The following ANK3 variants were observed in gnomAD, a reference collection of about 807,000 sequenced individuals.
ANK3 encodes the protein ankyrin 3.
In ANK3, 57 loss-of-function variants were observed where a neutral mutation model predicts 370.9. That is an observed-to-expected ratio of 0.15 (90% CI 0.12 to 0.19). ANK3 has a LOEUF of 0.19. Among genes scored for constraint, ANK3 ranks in the 10% least tolerant of loss-of-function variants. The pLI is 1.00. For synonymous variants in ANK3, 1,929 were observed against 1,946.3 expected, an observed-to-expected ratio of 0.99 and a Z score of 0.23; for missense variants, 4,439 against 5,302.1, an observed-to-expected ratio of 0.84 and a Z score of 5.06.
upstream of ANK3, among the ~76,000 whole-genome samples, chr10:60,392,698 G>A (rs2063137392): frequency 6.6e-6 from 1 of 152,182 alleles, no homozygotes; most frequent in Non-Finnish European, 1.5e-5. Flanking sequence ...GGAGGCTGAG[G>A]TGGGCAGATC....
intron 16 of ANK3, among the ~76,000 whole-genome samples, chr10:60,195,143 T>G (rs2096564492): frequency 6.6e-6 from 1 of 151,986 alleles, no homozygotes; most frequent in African/African-American, 2.4e-5. Flanking sequence ...ATTCCAGCAC[T>G]TTGGGAGGCC....
rs138823660 is a variant in ANK3 at position 60,172,960 on chromosome 10, C to G, written c.2322G>C (p.Gly774=). The G allele has an allele frequency of 6.0e-4, 964 of 1,613,882 alleles. 1 individual carries two copies. In the African/African-American group the frequency reaches 0.011, roughly 19 times the overall value. The change falls in exon 20 of 44, where the codon GGG becomes GGC. Residue 774 remains glycine, a synonymous_variant. Transcript: ENST00000280772. ...YTPLHQAAQQ[G]HTHIINVLLQ... The stretch of plus-strand genomic sequence containing the variant: ...GTAAGACATTTATTATATGCGTATG[C>G]CCCTGCTGTGCTGCTTGATGTAATG...
intron 2 of ANK3, among the ~76,000 whole-genome samples, chr10:60,481,844 A>G (rs912309921): frequency 6.6e-6 from 1 of 152,202 alleles, no homozygotes; most frequent in African/African-American, 2.4e-5. Flanking sequence ...CCTAGCACAG[A>G]CACCTAAACA....
At chr10:60,511,253 G>T (rs2076072458) in intron 2 of ANK3, among the ~76,000 whole-genome samples, 1 of 151,942 alleles carries the variant, frequency 6.6e-6, no homozygotes, top group Non-Finnish European at 1.5e-5. Context: ...GAGAATGTTG[G>T]CCAATAAAAA....
intron 11 of ANK3, among the ~76,000 whole-genome samples, chr10:60,204,134 T>C (rs1176332338): frequency 6.6e-6 from 1 of 152,202 alleles, no homozygotes; most frequent in Non-Finnish European, 1.5e-5. Flanking sequence ...AGAAAAGGAA[T>C]AATTCCGGCT....
At chr10:60,204,202 T>C (rs2096726756) in intron 11 of ANK3, among the ~76,000 whole-genome samples, 1 of 152,178 alleles carries the variant, frequency 6.6e-6, no homozygotes. Flanking sequence ...AGAATTTTGT[T>C]ATAGTCTTGG....
At position 60,086,892 on chromosome 10, in the gene ANK3, C is replaced by A; in HGVS notation, c.3541-8G>T. The A allele has an allele frequency of 6.4e-7, 1 of 1,552,322 alleles. No homozygotes were observed. The highest frequency in any genetic ancestry group is 8.7e-7 in the Non-Finnish European group (1 of 1,147,936). On this transcript the variant is annotated splice_polypyrimidine_tract_variant and splice_region_variant and intron_variant, in intron 29 of 43. Coordinates refer to ENST00000280772, the MANE Select transcript of ANK3 (RefSeq NM_020987.5). ...ATCTGGAACAGGCTGGGCCTAGAGA[C>A]AGAGAAAGGACTTTAAATGAAAGTG...
At chr10:60,329,928 C>A (rs562720291) in intron 1 of ANK3, among the ~76,000 whole-genome samples, 1 of 152,050 alleles carries the variant, frequency 6.6e-6, no homozygotes, top group Admixed American at 6.5e-5. Flanking sequence ...GTACTGGTAC[C>A]AAGACAGATA....
intron 1 of ANK3, among the ~76,000 whole-genome samples, chr10:60,282,658 T>G (rs551267874): frequency 6.6e-6 from 1 of 152,178 alleles, no homozygotes; most frequent in Non-Finnish European, 1.5e-5. Flanking sequence ...TCATTATATC[T>G]ATTTCATTCA....
At chr10:60,116,262 C>G (rs1210770627) in intron 25 of ANK3, among the ~76,000 whole-genome samples, 1 of 151,888 alleles carries the variant, frequency 6.6e-6, no homozygotes, top group African/African-American at 2.4e-5. Flanking sequence ...GGACAGAGTT[C>G]TAGGCAAAAA....
At chr10:60,497,870 G>C (rs1015630790) in intron 2 of ANK3, among the ~76,000 whole-genome samples, 1 of 152,108 alleles carries the variant, frequency 6.6e-6, no homozygotes, top group Non-Finnish European at 1.5e-5. Flanking sequence ...AAATATGGTT[G>C]CTATAAATCA....
At chr10:60,479,349 TG>T (rs1364764500) in intron 2 of ANK3, among the ~76,000 whole-genome samples, 1 of 152,120 alleles carries the variant, frequency 6.6e-6, no homozygotes, top group African/African-American at 2.4e-5. Context: ...TACAGTAACA[TG>T]CTGCACAGGT....
intron 28 of ANK3, among the ~76,000 whole-genome samples, chr10:60,100,207 T>C (rs955454509): frequency 7.7e-5 from 11 of 142,120 alleles, no homozygotes. Context: ...TTTATGGCAA[T>C]AGGCTGAAAG....
intron 1 of ANK3, among the ~76,000 whole-genome samples, chr10:60,389,183 A>T (rs901058324): frequency 6.6e-6 from 1 of 152,062 alleles, no homozygotes; most frequent in African/African-American, 2.4e-5. Flanking sequence ...ATGCCTATAT[A>T]AAGTGAAGCA....
chr10:60,278,618 G>A (rs549288453), intron 4 of ANK3, among the ~76,000 whole-genome samples, 156 bp downstream of exon 4: 138 of 152,174 alleles, frequency 9.1e-4, no homozygotes, highest in African/African-American at 3.2e-3. Flanking sequence ...TGATCTGCCC[G>A]CCTTTGCCTT....
chr10:60,055,512 C>T lies in ANK3; in HGVS notation c.13065+146G>A. On this transcript the variant is annotated intron_variant, in intron 42 of 43. Transcript: ENST00000280772. ...GTGTTTAACTCAGTACTTTCTTTACCTCCACCATTAGTGCTACAATTTCAC... is the reference window on the plus strand; with the variant it reads ...GTGTTTAACTCAGTACTTTCTTTACTTCCACCATTAGTGCTACAATTTCAC... 8.2e-6 allele frequency: 9 copies of T among 1,101,172 alleles called. No individual in the cohort carries two copies. In the South Asian group the frequency reaches 9.9e-5, roughly 12 times the overall value. 68.2% of individuals were successfully genotyped at this position (1,101,172 alleles called of 1,614,324 possible). A position where few individuals can be genotyped will look rare whatever the true frequency, so the allele number is the denominator to read the frequency against.
At chr10:60,056,160 A>G in intron 41 of ANK3, 124 bp from the exon 42 acceptor site, 2 of 1,201,978 alleles carry the variant, frequency 1.7e-6, no homozygotes, top group Non-Finnish European at 2.3e-6. Flanking sequence ...GAAAAGTGTG[A>G]AAAGTGTGGC....
rs557205037 is a variant in ANK3 at position 60,075,655 on chromosome 10, C to G, written c.5226G>C (p.Gln1742His). ...INGCKATATL[Q>H]EKISSATNSV... ...AGTTTGTAGCAGAAGAAATTTTTTC[C>G]TGTAACGTGGCAGTGGCTTTGCATC... The change falls in exon 37 of 44, where the codon CAG (glutamine) becomes CAC (histidine). Residue 1742 changes from glutamine to histidine, a missense_variant. This residue lies in a region of ANK3 where 679 missense variants were observed against 791.0 expected (regional missense o/e 0.86). Coordinates refer to ENST00000280772, the MANE Select transcript of ANK3 (RefSeq NM_020987.5). 1 of 1,614,060 alleles carries G rather than the reference C, an allele frequency of 6.2e-7. No homozygotes were observed. The highest frequency in any genetic ancestry group is 8.5e-7 in the Non-Finnish European group (1 of 1,179,980).
intron 2 of ANK3, among the ~76,000 whole-genome samples, chr10:60,521,670 A>G (rs1353605322): frequency 6.6e-6 from 1 of 152,096 alleles, no homozygotes; most frequent in Non-Finnish European, 1.5e-5. Context: ...TTAATGTTTT[A>G]CATTTGAAAC....
Sources: gnomAD v4.1 joint callset for allele counts (sites outside exome capture counted in the v4.1 genomes callset) on GRCh38, gnomAD v4.1.1 for gene constraint, gnomAD v4.1.1 regional missense constraint, MANE v1.5 for transcripts, NCBI Gene and HGNC (gene_info 2026-07-23, HGNC 2026-07-21) for gene names.